Variants in TENM1 observed in about 807,000 individuals in gnomAD.
TENM1 encodes teneurin-1.
TENM1 carries 35 observed loss-of-function variants against 174.8 expected under a neutral mutation model. The ratio of observed to expected loss-of-function variants is 0.20; its 90% CI spans 0.15 to 0.27. TENM1 has a LOEUF of 0.27. TENM1 is among the 10% of genes least tolerant of loss of function. The pLI, the probability that TENM1 is intolerant of heterozygous loss-of-function variation, is 1.00. For synonymous variants in TENM1, 781 were observed against 798.7 expected (o/e 0.98, Z 0.37); for missense variants, 1,633 against 2,130.1 (o/e 0.77, Z 4.59).
At chrX:125,103,950 A>C in the TENM1 span, among the ~76,000 whole-genome samples, 1 of 112,177 alleles carries the variant, frequency 8.9e-6, no homozygotes, top group Non-Finnish European at 1.9e-5. Flanking sequence ...AGATTGCATC[A>C]CTGCACCACT....
intron 3 of TENM1, among the ~76,000 whole-genome samples, chrX:124,757,106 C>T (rs932158534): frequency 8.0e-5 from 9 of 112,692 alleles, no homozygotes; most frequent in African/African-American, 2.9e-4. Flanking sequence ...GTGGAGCCTA[C>T]AGAGGCAGGC....
chrX:125,050,366 G>A, the TENM1 span, among the ~76,000 whole-genome samples: 4 of 108,237 alleles, frequency 3.7e-5, no homozygotes, highest in Admixed American at 2.0e-4. Flanking sequence ...CTGTGTCCAT[G>A]TGTTCTCACT....
chrX:124,960,463 G>A (rs138955777), intron 1 of TENM1, among the ~76,000 whole-genome samples: 2 of 112,043 alleles, frequency 1.8e-5, no homozygotes, highest in African/African-American at 6.5e-5. Context: ...CCTGCAAGCA[G>A]TCATCTCCAT....
the TENM1 span, among the ~76,000 whole-genome samples, chrX:125,017,704 A>T: frequency 8.9e-6 from 1 of 112,033 alleles, no homozygotes; most frequent in Non-Finnish European, 1.9e-5. Context: ...AAAAAGGATG[A>T]ATTCTTGTCT....
the TENM1 span, among the ~76,000 whole-genome samples, chrX:125,059,730 CA>C: frequency 1.3e-4 from 15 of 111,177 alleles, no homozygotes; most frequent in Non-Finnish European, 2.6e-4. Context: ...AAGTATTCAT[CA>C]ACAGACAAAT....
chrX:124,388,211 A>C (rs1233962350), intron 28 of TENM1, among the ~76,000 whole-genome samples: 6 of 111,278 alleles, frequency 5.4e-5, no homozygotes, highest in Admixed American at 2.9e-4. Flanking sequence ...ATCTAGTACC[A>C]GCCTGCCTGG....
chrX:124,875,546 G>C (rs1434691041), intron 3 of TENM1, among the ~76,000 whole-genome samples: 1 of 109,214 alleles, frequency 9.2e-6, no homozygotes, highest in Non-Finnish European at 1.9e-5. Context: ...TAGTTAATTA[G>C]AGCGGATATC....
chrX:124,404,662 T>C (rs1461031171), intron 27 of TENM1, among the ~76,000 whole-genome samples: 1 of 111,156 alleles, frequency 9.0e-6, no homozygotes, highest in Non-Finnish European at 1.9e-5. Flanking sequence ...GGGACCTCGG[T>C]CAACTCAGTG....
At chrX:124,876,534 A>AT (rs1188925784) in intron 3 of TENM1, among the ~76,000 whole-genome samples, 2 of 110,460 alleles carry the variant, frequency 1.8e-5, no homozygotes, top group Non-Finnish European at 3.8e-5. Context: ...TTAGATATCA[A>AT]TTTTTTTTGC....
At chrX:124,943,525 T>C (rs189715440) in intron 1 of TENM1, among the ~76,000 whole-genome samples, 1 of 111,910 alleles carries the variant, frequency 8.9e-6, no homozygotes, top group East Asian at 2.8e-4. Flanking sequence ...TCAACATGAG[T>C]TTTATAAAGC....
At chrX:124,693,109 T>C (rs1481948796) in intron 5 of TENM1, among the ~76,000 whole-genome samples, 2 of 110,437 alleles carry the variant, frequency 1.8e-5, no homozygotes, top group African/African-American at 3.3e-5. Flanking sequence ...CAATCTGATT[T>C]TCTTTCTTTT....
At chrX:124,932,188 A>G (rs1283040381) in intron 1 of TENM1, among the ~76,000 whole-genome samples, 2 of 112,199 alleles carry the variant, frequency 1.8e-5, no homozygotes, top group Admixed American at 1.9e-4. Flanking sequence ...CTGCCAGCAG[A>G]TAAGCCAAAC....
the TENM1 span, among the ~76,000 whole-genome samples, chrX:124,982,270 G>GAAAAAAAAA: frequency 7.3e-3 from 76 of 10,461 alleles, no homozygotes; most frequent in African/African-American, 0.012. Context: ...AAGAAAATGT[G>GAAAAAAAAA]AAAAAAAAAA....
intron 15 of TENM1, among the ~76,000 whole-genome samples, chrX:124,545,220 G>A (rs5958517): frequency 0.021 from 2,221 of 106,340 alleles, 67 homozygotes; most frequent in African/African-American, 0.07. Context: ...ATAACTTGGA[G>A]CATTTTACAA....
intron 1 of TENM1, among the ~76,000 whole-genome samples, chrX:124,897,635 T>C (rs909592248): frequency 1.4e-4 from 16 of 112,758 alleles, no homozygotes; most frequent in African/African-American, 4.8e-4. Context: ...GTGAAACATA[T>C]AGTAGGCAAA....
chrX:124,430,438 TTC>T (rs1379116378), intron 23 of TENM1, among the ~76,000 whole-genome samples: 1 of 112,499 alleles, frequency 8.9e-6, no homozygotes, highest in African/African-American at 3.2e-5. Context: ...CTATCTGAGC[TTC>T]TGTTTCCTCA....
the TENM1 span, among the ~76,000 whole-genome samples, chrX:125,004,284 G>T: frequency 3.6e-5 from 4 of 111,849 alleles, no homozygotes; most frequent in Non-Finnish European, 7.5e-5. Context: ...CAAGTTCCAA[G>T]TAATGTTGTT....
intron 6 of TENM1, 100 bp downstream of exon 9, chrX:124,671,583 G>A: frequency 1.2e-6 from 1 of 862,615 alleles, no homozygotes. Flanking sequence ...TCTTTCAAGT[G>A]ATCATGAAAT....
intron 4 of TENM1, among the ~76,000 whole-genome samples, chrX:124,728,699 T>C (rs1337100362): frequency 9.0e-6 from 1 of 111,576 alleles, no homozygotes; most frequent in East Asian, 2.8e-4. Context: ...AAAACACTTG[T>C]GATGGTACTG....
Sources: gnomAD v4.1 joint callset for allele counts (sites outside exome capture counted in the v4.1 genomes callset) on GRCh38, gnomAD v4.1.1 for gene constraint, MANE v1.5 for transcripts, NCBI Gene and HGNC (gene_info 2026-07-23, HGNC 2026-07-21) for gene names.